Variants in LRCH3 observed in about 807,000 individuals in gnomAD.
LRCH3 encodes the protein DISP complex protein LRCH3.
Under a neutral mutation model 104.5 loss-of-function variants are expected in LRCH3, and 68 were observed. The ratio of observed to expected loss-of-function variants is 0.65; its 90% CI spans 0.54 to 0.80. LRCH3 has a LOEUF of 0.80. Ranked by LOEUF, LRCH3 falls within the 30% of genes least tolerant of loss-of-function variation. The probability of loss-of-function intolerance (pLI) is 0.00; values close to 1 mark genes in which losing one functional copy is unlikely to be tolerated. For synonymous variants in LRCH3, 344 were observed against 361.3 expected, an observed-to-expected ratio of 0.95 and a Z score of 0.54; for missense variants, 951 against 953.9, an observed-to-expected ratio of 1.00 and a Z score of 0.04.
intron 1 of LRCH3, among the ~76,000 whole-genome samples, chr3:197,813,478 T>TA (rs1259183545): frequency 1.3e-5 from 2 of 148,970 alleles, no homozygotes; most frequent in African/African-American, 4.9e-5. Flanking sequence ...AGACCATAGG[T>TA]AATGTTCCGT....
rs115023341 is a variant in LRCH3 at position 197,801,158 on chromosome 3, A to G, written c.262+9618A>G. On this transcript the variant is annotated intron_variant, in intron 1 of 20. Coordinates refer to ENST00000425562, the MANE Select transcript of LRCH3 (RefSeq NM_001365715.1). ...TGCAGTTGCAGGAATGAACCTTAGA[A>G]ACATAATGTCGAGAAAGTGAAGTGT... 2.5e-3 allele frequency among the ~76,000 whole-genome samples: 377 copies of G among 152,256 alleles called. 2 individuals carry two copies. The highest frequency in any genetic ancestry group is 8.4e-3 in the African/African-American group (348 of 41,550).
chr3:197,874,986 G>T (rs930911124), intron 19 of LRCH3, among the ~76,000 whole-genome samples: 1 of 146,378 alleles, frequency 6.8e-6, no homozygotes, highest in African/African-American at 2.8e-5. Flanking sequence ...GCAATGGTGC[G>T]ATCTCAGCTC....
At chr3:197,826,800 A>G in intron 4 of LRCH3, 78 bp from the exon 5 acceptor site, 1 of 1,520,126 alleles carries the variant, frequency 6.6e-7, no homozygotes, top group South Asian at 1.1e-5. Flanking sequence ...TTAAAATCAC[A>G]TTTAACTAGA....
In LRCH3 at chr3:197,888,258, A is replaced by G. The variant is rs1714392066; in HGVS notation, c.*4592A>G. 1 of 152,236 alleles carries G rather than the reference A, an allele frequency of 6.6e-6. No homozygotes were observed. The highest frequency in any genetic ancestry group is 2.4e-5 in the African/African-American group (1 of 41,450). The allele number at this position is 152,236 out of a possible 1,614,324, so 9.4% of individuals were successfully genotyped here. ...TCGTTTTATTTCTGAAAATGTTGTA[A>G]ACATGTAATTAGTGAAAGATTTTGT... On this transcript the variant is annotated 3_prime_UTR_variant, in exon 21 of 21. Transcript: ENST00000425562.
intron 20 of LRCH3, among the ~76,000 whole-genome samples, chr3:197,880,169 T>C (rs1382026833): frequency 6.6e-6 from 1 of 151,740 alleles, no homozygotes. Context: ...ATGGTCTCGA[T>C]CTCCTGACCT....
intron 1 of LRCH3, among the ~76,000 whole-genome samples, chr3:197,799,821 C>T (rs761576172): frequency 7.9e-5 from 12 of 151,178 alleles, no homozygotes; most frequent in African/African-American, 2.2e-4. Flanking sequence ...TGCAGTGAGC[C>T]GAGATCACGT....
intron 17 of LRCH3, 90 bp downstream of exon 17, chr3:197,866,309 A>T: frequency 1.1e-6 from 1 of 876,584 alleles, no homozygotes; most frequent in Non-Finnish European, 1.9e-6. Context: ...ACTTCTGCAT[A>T]TAGTATAAGA....
intron 10 of LRCH3, among the ~76,000 whole-genome samples, 172 bp downstream of exon 10, chr3:197,839,569 T>A (rs1737483670): frequency 6.6e-6 from 1 of 152,222 alleles, no homozygotes; most frequent in African/African-American, 2.4e-5. Flanking sequence ...AAAAACTGAT[T>A]TGATTCTAAA....
intron 1 of LRCH3, among the ~76,000 whole-genome samples, chr3:197,795,022 A>T (rs1020090734): frequency 6.6e-6 from 1 of 152,184 alleles, no homozygotes; most frequent in East Asian, 1.9e-4. Flanking sequence ...AAGAAAAAAA[A>T]ATATTAATCT....
chr3:197,835,899 T>C, intron 9 of LRCH3, 77 bp downstream of exon 9: 1 of 1,464,450 alleles, frequency 6.8e-7, no homozygotes, highest in Non-Finnish European at 9.3e-7. Context: ...AGTTTTGTTA[T>C]ATCAGTGATT....
At chr3:197,879,297 C>T (rs1232752704) in intron 20 of LRCH3, among the ~76,000 whole-genome samples, 1 of 152,148 alleles carries the variant, frequency 6.6e-6, no homozygotes, top group Non-Finnish European at 1.5e-5. Flanking sequence ...ATCTCTGAGG[C>T]CCTTAACAGC....
chr3:197,872,071 A>G (rs189536885), intron 19 of LRCH3, among the ~76,000 whole-genome samples: 3 of 152,330 alleles, frequency 2.0e-5, no homozygotes, highest in Admixed American at 1.3e-4. Flanking sequence ...AGAATGACGA[A>G]TCTAGGCTGG....
At chr3:197,799,022 T>C (rs1051066047) in intron 1 of LRCH3, among the ~76,000 whole-genome samples, 2 of 152,108 alleles carry the variant, frequency 1.3e-5, no homozygotes, top group African/African-American at 2.4e-5. Flanking sequence ...TCCCCTGAGA[T>C]TGGTCTTAGA....
At chr3:197,809,002 A>T (rs952505293) in intron 1 of LRCH3, among the ~76,000 whole-genome samples, 1 of 147,872 alleles carries the variant, frequency 6.8e-6, no homozygotes, top group African/African-American at 2.5e-5. Flanking sequence ...TGCTTTCAAT[A>T]TTTTTTTTTT....
intron 1 of LRCH3, among the ~76,000 whole-genome samples, chr3:197,808,109 A>G (rs1023717668): frequency 1.3e-5 from 2 of 152,214 alleles, no homozygotes; most frequent in African/African-American, 2.4e-5. Flanking sequence ...GTTTGGAGGT[A>G]GTACTTTTAA....
At chr3:197,857,633 C>T (rs1165084527) in intron 14 of LRCH3, among the ~76,000 whole-genome samples, 2 of 152,230 alleles carry the variant, frequency 1.3e-5, no homozygotes, top group Non-Finnish European at 2.9e-5. Flanking sequence ...ATATGAGGCT[C>T]ATTTTACCTC....
chr3:197,854,247 G>A lies in LRCH3; in HGVS notation c.1591-145G>A, dbSNP rs1560582790. On this transcript the variant is annotated intron_variant, in intron 13 of 20. Transcript: ENST00000425562. This position sits in a 1 kb window ranked among gnomAD's most constrained non-coding sequence, Gnocchi z 4.5. ...TGACTATTATAATGCATGAATTCCA[G>A]ATGATTGTGAATGTGGTCCTCTATG... 2 of 722,334 alleles carry A rather than the reference G, an allele frequency of 2.8e-6. No homozygotes were observed. The highest frequency in any genetic ancestry group is 5.0e-6 in the Non-Finnish European group (2 of 399,674). The allele number at this position is 722,334 out of a possible 1,614,324, so 44.7% of individuals were successfully genotyped here.
At chr3:197,809,042 T>C (rs1732819321) in intron 1 of LRCH3, among the ~76,000 whole-genome samples, 1 of 151,984 alleles carries the variant, frequency 6.6e-6, no homozygotes, top group African/African-American at 2.4e-5. Context: ...TCATGCCTGT[T>C]ATCCCAGCAG....
rs555636037 is a variant in LRCH3, at chr3:197,839,236, T to C, written c.1252-85T>C. The C allele has an allele frequency of 2.1e-5, 18 of 853,932 alleles. No individual in the cohort carries two copies. In the Admixed American group the frequency reaches 3.2e-4, roughly 15 times the overall value. The allele number at this position is 853,932 out of a possible 1,614,324, so 52.9% of individuals were successfully genotyped here. ...ATGTTTTTTAGTGTAATATATAAAT[T>C]AAATGACAAATTGGATGTGAACTGT... On this transcript the variant is annotated intron_variant, in intron 9 of 20. Coordinates refer to ENST00000425562, the MANE Select transcript of LRCH3 (RefSeq NM_001365715.1).
Sources: gnomAD v4.1 joint callset for allele counts (sites outside exome capture counted in the v4.1 genomes callset) on GRCh38, gnomAD v4.1.1 for gene constraint, Gnocchi (gnomAD v3.1) non-coding constraint, MANE v1.5 for transcripts, NCBI Gene and HGNC (gene_info 2026-07-23, HGNC 2026-07-21) for gene names.